Variants in PTAFR observed in about 807,000 individuals in gnomAD.
PTAFR encodes the protein platelet activating factor receptor, also known as platelet-activating factor receptor.
PTAFR carries 8 observed loss-of-function variants against 14.7 expected under a neutral mutation model. The ratio of observed to expected loss-of-function variants is 0.54; its 90% CI spans 0.32 to 0.98. The LOEUF (loss-of-function observed/expected upper bound fraction) is 0.98. Among genes scored for constraint, PTAFR ranks in the 50% least tolerant of loss-of-function variants. The pLI is 0.04. For missense variants in PTAFR, 337 were observed against 451.2 expected, an observed-to-expected ratio of 0.75 and a Z score of 2.29; for synonymous variants, 156 against 176.5, an observed-to-expected ratio of 0.88 and a Z score of 0.92.
intron 1 of PTAFR, among the ~76,000 whole-genome samples, chr1:28,153,409 G>A (rs144304946): frequency 9.2e-5 from 14 of 151,882 alleles, no homozygotes; most frequent in Non-Finnish European, 1.9e-4. Context: ...ACCCAGCTGG[G>A]GCTAAGCAAG....
At chr1:28,183,297 T>G (rs1646577580) in intron 1 of PTAFR, among the ~76,000 whole-genome samples, 1 of 152,170 alleles carries the variant, frequency 6.6e-6, no homozygotes, top group South Asian at 2.1e-4. Context: ...GCGTAAAAGA[T>G]GCTTATACAT....
chr1:28,184,224 C>G (rs1223561065), intron 1 of PTAFR, among the ~76,000 whole-genome samples: 1 of 151,242 alleles, frequency 6.6e-6, no homozygotes, highest in African/African-American at 2.4e-5. Context: ...TCCCAAGTAG[C>G]TACAATTACA....
At chr1:28,171,143 C>G (rs1040348028) in intron 1 of PTAFR, among the ~76,000 whole-genome samples, 1 of 151,630 alleles carries the variant, frequency 6.6e-6, no homozygotes, top group Admixed American at 6.6e-5. Context: ...GCCAACATGA[C>G]GAAACCCCAT....
At chr1:28,191,664 T>C (rs1294003163) in intron 1 of PTAFR, among the ~76,000 whole-genome samples, 2 of 151,568 alleles carry the variant, frequency 1.3e-5, no homozygotes, top group Non-Finnish European at 2.9e-5. Context: ...ATAGGGTGGT[T>C]GGAGAACAAG....
chr1:28,150,886 AAGGGTAC>A lies in PTAFR; in HGVS notation c.129_135del (p.Tyr44AlafsTer7), dbSNP rs1443088065. 1.9e-6 allele frequency: 3 copies of A among 1,614,012 alleles called. No individual in the cohort carries two copies. Among genetic ancestry groups the A allele is most frequent in the African/African-American group, 2.7e-5 (2 of 74,900 alleles). On this transcript the variant is annotated frameshift_variant, in exon 2 of 2. Coordinates refer to ENST00000373857, the MANE Select transcript of PTAFR (RefSeq NM_000952.5). LOFTEE classifies it high-confidence loss of function. This position sits in a 1 kb window ranked among gnomAD's most constrained non-coding sequence, Gnocchi z 6.3. Reference sequence around the variant, plus strand: ...ATCTTTATCTCATTGAATTTCTTGCAAGGGTACAGGCGGGCAAAGACCCACAGCACGT... The same window carrying A: ...ATCTTTATCTCATTGAATTTCTTGCAAGGCGGGCAAAGACCCACAGCACGT...
rs144798109 is a variant in PTAFR, at chr1:28,150,287, G to A, written c.735C>T (p.Phe245=). Residue 245 remains phenylalanine (F), a synonymous_variant, in exon 2 of 2, where the codon TTC becomes TTT. Transcript: ENST00000373857. This position sits in a 1 kb window ranked among gnomAD's most constrained non-coding sequence, Gnocchi z 6.3. ...CTVLAVFIIC[F]VPHHVVQLPW... ...GCAGCTGCACCACGTGGTGGGGCAC[G>A]AAGCAGATGATGAACACCGCCAAGA... 3.7e-4 allele frequency: 590 copies of A among 1,612,060 alleles called. 4 individuals carry two copies. The highest frequency in any genetic ancestry group is 3.6e-3 in the African/African-American group (267 of 75,030).
chr1:28,179,701 T>G (rs1443940814), upstream of PTAFR, among the ~76,000 whole-genome samples: 1 of 152,006 alleles, frequency 6.6e-6, no homozygotes, highest in Non-Finnish European at 1.5e-5. Context: ...GGCACACACC[T>G]GCTGATTACC....
At position 28,192,269 on chromosome 1, in the gene PTAFR, A is replaced by G. The variant is rs1219043524; in HGVS notation, c.-39+1453T>C. Reference sequence around the variant, plus strand: ...AAGGTTTTACACAACTGCATAAGATAATACTTGTGGCCGGGCGCAGTGGCT... The same window carrying G: ...AAGGTTTTACACAACTGCATAAGATGATACTTGTGGCCGGGCGCAGTGGCT... On this transcript the variant is annotated intron_variant, in intron 1 of 1. Transcript: ENST00000305392. Among the ~76,000 whole-genome samples the G allele has an allele frequency of 2.0e-5, 3 of 152,242 alleles. No individual in the cohort carries two copies. In the East Asian group the frequency reaches 5.8e-4, roughly 29 times the overall value.
rs114772068 is a variant in PTAFR, at chr1:28,164,981, C to T, written c.-39+11611G>A. Among the ~76,000 whole-genome samples, 640 of 152,354 alleles carry T rather than the reference C, an allele frequency of 4.2e-3. 6 individuals are homozygous for T. Among genetic ancestry groups the T allele is most frequent in the African/African-American group, 0.015 (615 of 41,578 alleles). On this transcript the variant is annotated intron_variant, in intron 1 of 1. Transcript: ENST00000373857. ...CAGATCCTGGTTCAACCACTAAGCT[C>T]ATCCTGTGATTCTGAGTCTCTGTTT...
chr1:28,154,362 T>C (rs181713094), intron 1 of PTAFR, among the ~76,000 whole-genome samples: 193 of 152,200 alleles, frequency 1.3e-3, no homozygotes, highest in African/African-American at 4.3e-3. Flanking sequence ...CCAACAAATA[T>C]TTCTGAGCAC....
At chr1:28,188,006 C>G (rs1406583166) in intron 1 of PTAFR, among the ~76,000 whole-genome samples, 1 of 149,826 alleles carries the variant, frequency 6.7e-6, no homozygotes, top group African/African-American at 2.5e-5. Flanking sequence ...AGCAAGACCT[C>G]ATCTCTACTG....
In PTAFR at chr1:28,155,371, C is replaced by T. The variant is rs572741118; in HGVS notation, c.-38-4312G>A. On this transcript the variant is annotated intron_variant, in intron 1 of 1. Coordinates refer to ENST00000373857, the MANE Select transcript of PTAFR (RefSeq NM_000952.5). The stretch of plus-strand genomic sequence containing the variant: ...GATTACAGGTGTGTGCCATCACACC[C>T]GGCTAATTTTTGTATTTTTAGTAGA... Among the ~76,000 whole-genome samples, 358 of 152,198 alleles carry T rather than the reference C, an allele frequency of 2.4e-3. 2 individuals carry two copies. The highest frequency in any genetic ancestry group is 8.4e-3 in the African/African-American group (347 of 41,534).
Position 28,151,071 on chromosome 1 carries a change from C to T in PTAFR, c.-38-12G>A, listed in dbSNP as rs72875088. ...GGTCCTGGTGGTGCCTGGAAGACCACACAAAAATTCTGGTTAATAAAGGGA... is the reference window on the plus strand; with the variant it reads ...GGTCCTGGTGGTGCCTGGAAGACCATACAAAAATTCTGGTTAATAAAGGGA... On this transcript the variant is annotated splice_polypyrimidine_tract_variant and intron_variant, in intron 1 of 1. Coordinates refer to ENST00000373857, the MANE Select transcript of PTAFR (RefSeq NM_000952.5). 2,507 of 1,452,800 alleles carry T rather than the reference C, an allele frequency of 1.7e-3. 28 individuals carry two copies. In the African/African-American group the frequency reaches 0.022, roughly 13 times the overall value. 90.0% of individuals were successfully genotyped at this position (1,452,800 alleles called of 1,614,324 possible).
At chr1:28,163,106 T>A (rs1015754255) in intron 1 of PTAFR, among the ~76,000 whole-genome samples, 3 of 152,182 alleles carry the variant, frequency 2.0e-5, no homozygotes, top group African/African-American at 7.2e-5. Context: ...TCTCTTTGCC[T>A]TTCCAGCAGC....
upstream of PTAFR, among the ~76,000 whole-genome samples, chr1:28,179,353 C>T (rs1171449608): frequency 6.6e-6 from 1 of 152,182 alleles, no homozygotes; most frequent in Non-Finnish European, 1.5e-5. Flanking sequence ...CCCTTCCATG[C>T]GCGCATGTGG....
intron 1 of PTAFR, among the ~76,000 whole-genome samples, chr1:28,163,850 C>T (rs1646353063): frequency 6.6e-6 from 1 of 152,152 alleles, no homozygotes; most frequent in Admixed American, 6.5e-5. Flanking sequence ...TTCAACAGCT[C>T]AGGAAGAGGA....
chr1:28,173,671 AG>A (rs1193115475), intron 1 of PTAFR, among the ~76,000 whole-genome samples: 3 of 138,484 alleles, frequency 2.2e-5, no homozygotes, highest in South Asian at 2.5e-4. Context: ...AAAAAAGAGG[AG>A]GGGGGGCGGG....
upstream of PTAFR, among the ~76,000 whole-genome samples, chr1:28,181,032 C>T (rs570536383): frequency 1.5e-4 from 23 of 152,104 alleles, no homozygotes; most frequent in Admixed American, 1.4e-3. Flanking sequence ...TGCAGTGGCG[C>T]GATCTCAGTC....
At chr1:28,164,530 A>G (rs1432383216) in intron 1 of PTAFR, among the ~76,000 whole-genome samples, 1 of 152,224 alleles carries the variant, frequency 6.6e-6, no homozygotes, top group Non-Finnish European at 1.5e-5. Context: ...ACTGGTATAC[A>G]GTACATCTTG....
Sources: allele counts gnomAD v4.1 joint callset (sites outside exome capture counted in the v4.1 genomes callset), GRCh38; gene constraint gnomAD v4.1.1; non-coding constraint Gnocchi (gnomAD v3.1); transcripts MANE v1.5; gene names NCBI Gene and HGNC (gene_info 2026-07-23, HGNC 2026-07-21).